The following KRTAP5-8 variants were observed in gnomAD, a reference collection of about 807,000 sequenced individuals.
KRTAP5-8 encodes keratin associated protein 5-8.
In KRTAP5-8, 2 loss-of-function variants were observed where a neutral mutation model predicts 2.7. The observed-to-expected ratio is 0.75, with a 90% CI of 0.30 to 2.35. The LOEUF is 2.35. KRTAP5-8 is among the 30% of genes most tolerant of loss of function. The probability of loss-of-function intolerance (pLI) is 0.12; values close to 1 mark genes in which losing one functional copy is unlikely to be tolerated. For synonymous variants in KRTAP5-8, 62 were observed against 89.1 expected (o/e 0.70, Z 1.71); for missense variants, 183 against 227.2 (o/e 0.81, Z 1.25).
chr11:71,538,831 C>T lies in KRTAP5-8; in HGVS notation c.*212C>T. Reference sequence around the variant, plus strand: ...TGCTGCCCATCAACCCTCCCAGAATCCCCTCTTCCTTTCCTGACCTCATCA... The same window carrying T: ...TGCTGCCCATCAACCCTCCCAGAATTCCCTCTTCCTTTCCTGACCTCATCA... On this transcript the variant is annotated 3_prime_UTR_variant, in exon 1 of 1. Coordinates refer to ENST00000398534, the MANE Select transcript of KRTAP5-8 (RefSeq NM_021046.3). 1.0e-6 allele frequency: 1 copy of T among 972,904 alleles called. No homozygotes were observed. Among genetic ancestry groups the T allele is most frequent in the Admixed American group, 2.7e-5 (1 of 36,460 alleles). The allele number at this position is 972,904 out of a possible 1,614,324, so 60.3% of individuals were successfully genotyped here.
Position 71,539,108 on chromosome 11 carries a change from T to G in KRTAP5-8, c.*489T>G, listed in dbSNP as rs547048528. On this transcript the variant is annotated 3_prime_UTR_variant, in exon 1 of 1. Transcript: ENST00000398534. ...TCTCCTGAGGAGGAGGGGCGCCCAGTCTCCTCTTCTACCTCTGACCTGGCC... is the reference window on the plus strand; with the variant it reads ...TCTCCTGAGGAGGAGGGGCGCCCAGGCTCCTCTTCTACCTCTGACCTGGCC... The G allele has an allele frequency of 1.4e-5, 3 of 209,274 alleles. No individual in the cohort carries two copies. The highest frequency in any genetic ancestry group is 3.2e-5 in the Non-Finnish European group (3 of 93,502). 13.0% of individuals were successfully genotyped at this position (209,274 alleles called of 1,614,324 possible).
In KRTAP5-8 at chr11:71,538,543, G is replaced by T. The variant is rs1277842696; in HGVS notation, c.488G>T (p.Cys163Phe). The T allele has an allele frequency of 6.2e-7, 1 of 1,613,864 alleles. No homozygotes were observed. The highest frequency in any genetic ancestry group is 8.5e-7 in the Non-Finnish European group (1 of 1,179,990). ...TCTTCAGGCTGTGGGTCATCCTGCT[G>T]CCAGTCCAGCTGCTGCAAGCCCTGC... ...CCSSGCGSSC[C>F]QSSCCKPCCS... is the part of the protein sequence containing the mutation. The change falls in exon 1 of 1, where the codon TGC becomes TTC. Residue 163 changes from cysteine to phenylalanine, a missense_variant. Physicochemically the swap from Cys to Phe is radical, Grantham distance 205. Transcript: ENST00000398534.
chr11:71,539,155 C>T lies in KRTAP5-8; in HGVS notation c.*536C>T, dbSNP rs1432608117. 1.1e-5 allele frequency: 2 copies of T among 189,086 alleles called. No individual in the cohort carries two copies. The highest frequency in any genetic ancestry group is 1.2e-5 in the Non-Finnish European group (1 of 80,234). The allele number at this position is 189,086 out of a possible 1,614,324, so 11.7% of individuals were successfully genotyped here. A position where few individuals can be genotyped will look rare whatever the true frequency, so the allele number is the denominator to read the frequency against. On this transcript the variant is annotated 3_prime_UTR_variant, in exon 1 of 1. Transcript: ENST00000398534. The stretch of plus-strand genomic sequence containing the variant: ...GGCCTTGTTTCTTTCCCCAGGGCTT[C>T]GCCTTGTAAGTGCCTAGGCTGAATC...
In KRTAP5-8 at chr11:71,538,261, A is replaced by G. The variant is rs562607417; in HGVS notation, c.206A>G (p.Asp69Gly). The change falls in exon 1 of 1, where the codon GAC (aspartate) becomes GGC (glycine). Residue 69 changes from aspartate (D) to glycine (G), a missense_variant. Asp to Gly is a moderately conservative substitution (Grantham distance 94). Coordinates refer to ENST00000398534, the MANE Select transcript of KRTAP5-8 (RefSeq NM_021046.3). ...GGCTCCTGTGGGGGCTCCAAGGGGG[A>G]CTGTGGCTCCTGTGGGGGCTCCAAG... is the stretch of plus-strand genomic sequence containing the variant. ...GRGSCGGSKG[D>G]CGSCGGSKGG... 2.6e-5 allele frequency: 41 copies of G among 1,601,780 alleles called. No individual in the cohort carries two copies. The highest frequency in any genetic ancestry group is 1.8e-4 in the Middle Eastern group (1 of 5,610).
chr11:71,538,092 G>A lies in KRTAP5-8; in HGVS notation c.37G>A (p.Gly13Ser), dbSNP rs370933271. The change falls in exon 1 of 1, where the codon GGC (glycine) becomes AGC (serine). Residue 13 changes from glycine (G) to serine (S), a missense_variant. Gly to Ser is a moderately conservative substitution (Grantham distance 56). This residue lies in a region of KRTAP5-8 where 113 missense variants were observed against 109.3 expected (regional missense o/e 1.03). Transcript: ENST00000398534. ...CCGCSGGCGS[G>S]CGGCGSGCGG... ...TGGCTGCTCTGGAGGCTGTGGCTCC[G>A]GCTGTGGGGGCTGCGGCTCTGGCTG... The A allele has an allele frequency of 4.2e-5, 67 of 1,610,922 alleles. No homozygotes were observed. The African/African-American group carries it at 4.6e-4, about 11-fold the overall frequency.
In KRTAP5-8 at chr11:71,538,300, C is replaced by T. The variant is rs747469393; in HGVS notation, c.245C>T (p.Ser82Phe). The stretch of plus-strand genomic sequence containing the variant: ...GGGGGCTCCAAGGGAGGCTGTGGTT[C>T]TTGTGGCTGCTCCCAGTGCAGCTGC... ...SCGGSKGGCG[S>F]CGCSQCSCYK... is the part of the protein sequence containing the mutation. The change falls in exon 1 of 1, where the codon TCT becomes TTT. Residue 82 changes from serine (S) to phenylalanine (F), a missense_variant. Physicochemically the swap from Ser to Phe is radical, Grantham distance 155. Coordinates refer to ENST00000398534, the MANE Select transcript of KRTAP5-8 (RefSeq NM_021046.3). 1.2e-6 allele frequency: 2 copies of T among 1,614,006 alleles called. No individual in the cohort carries two copies. The highest frequency in any genetic ancestry group is 1.7e-6 in the Non-Finnish European group (2 of 1,179,998).
chr11:71,538,859 T>A lies in KRTAP5-8; in HGVS notation c.*240T>A. On this transcript the variant is annotated 3_prime_UTR_variant, in exon 1 of 1. Transcript: ENST00000398534. ...CTCTTCCTTTCCTGACCTCATCACT[T>A]CAACCTTCTCAGGGCTTCAAGATCC... 1.3e-6 allele frequency: 1 copy of A among 784,618 alleles called. No individual in the cohort carries two copies. The highest frequency in any genetic ancestry group is 2.0e-6 in the Non-Finnish European group (1 of 492,432). 48.6% of individuals were successfully genotyped at this position (784,618 alleles called of 1,614,324 possible). A position where few individuals can be genotyped will look rare whatever the true frequency, so the allele number is the denominator to read the frequency against.
rs1249049450 is a variant in KRTAP5-8, at chr11:71,539,200, A to T, written c.*581A>T. ...TGAATCTTCTAAATAAATACGATCC[A>T]CACCTCCCACGAGTTTGCGTTGTGA... On this transcript the variant is annotated 3_prime_UTR_variant, in exon 1 of 1. Transcript: ENST00000398534. The T allele has an allele frequency of 1.7e-5, 3 of 177,890 alleles. No individual in the cohort carries two copies. The highest frequency in any genetic ancestry group is 7.2e-5 in the African/African-American group (3 of 41,560). The allele number at this position is 177,890 out of a possible 1,614,324, so 11.0% of individuals were successfully genotyped here.
In KRTAP5-8 at chr11:71,538,148, C is replaced by T; in HGVS notation, c.93C>T (p.Pro31=). Reference sequence around the variant, plus strand: ...GATGTGGCTCTAGCTGCTGTGTGCCCATCTGCTGCTGCAAGCCCGTGTGCT... The same window carrying T: ...GATGTGGCTCTAGCTGCTGTGTGCCTATCTGCTGCTGCAAGCCCGTGTGCT... ...CGGCGSSCCV[P]ICCCKPVCCC... is the part of the protein sequence containing the mutation. The change falls in exon 1 of 1, where the codon CCC becomes CCT. Residue 31 remains proline (P), a synonymous_variant. Coordinates refer to ENST00000398534, the MANE Select transcript of KRTAP5-8 (RefSeq NM_021046.3). 6.2e-7 allele frequency: 1 copy of T among 1,602,676 alleles called. No homozygotes were observed. The highest frequency in any genetic ancestry group is 1.4e-5 in the African/African-American group (1 of 70,976).
At position 71,539,194 on chromosome 11, in the gene KRTAP5-8, C is replaced by CCGA; in HGVS notation, c.*575_*576insCGA. 5 of 172,838 alleles carry CCGA rather than the reference C, an allele frequency of 2.9e-5. No homozygotes were observed. The highest frequency in any genetic ancestry group is 2.4e-4 in the Admixed American group (4 of 16,708). The allele number at this position is 172,838 out of a possible 1,614,324, so 10.7% of individuals were successfully genotyped here. A position where few individuals can be genotyped will look rare whatever the true frequency, so the allele number is the denominator to read the frequency against. ...CTAGGCTGAATCTTCTAAATAAATA[C>CCGA]GATCCACACCTCCCACGAGTTTGCG... On this transcript the variant is annotated 3_prime_UTR_variant, in exon 1 of 1. Transcript: ENST00000398534.
chr11:71,538,620 G>T lies in KRTAP5-8; in HGVS notation c.*1G>T. On this transcript the variant is annotated 3_prime_UTR_variant, in exon 1 of 1. Coordinates refer to ENST00000398534, the MANE Select transcript of KRTAP5-8 (RefSeq NM_021046.3). ...AATTTGCTGCCAGTGCAAGATCTGAGGCTCTGCCTACAAATCTCAGCTGGT... is the reference window on the plus strand; with the variant it reads ...AATTTGCTGCCAGTGCAAGATCTGATGCTCTGCCTACAAATCTCAGCTGGT... The T allele has an allele frequency of 6.2e-7, 1 of 1,612,250 alleles. No individual in the cohort carries two copies. The highest frequency in any genetic ancestry group is 8.5e-7 in the Non-Finnish European group (1 of 1,179,464).
rs200416506 is a variant in KRTAP5-8 at position 71,538,138 on chromosome 11, G to T, written c.83G>T (p.Cys28Phe). The T allele has an allele frequency of 6.2e-7, 1 of 1,611,992 alleles. No individual in the cohort carries two copies. Among genetic ancestry groups the T allele is most frequent in the Middle Eastern group, 1.9e-4 (1 of 5,268 alleles). The change falls in exon 1 of 1, where the codon TGC becomes TTC. Residue 28 changes from cysteine to phenylalanine, a missense_variant. By Grantham distance (205) the Cys-to-Phe change is radical (BLOSUM62 -2). Transcript: ENST00000398534. Reference sequence around the variant, plus strand: ...GGCTGTGGGGGATGTGGCTCTAGCTGCTGTGTGCCCATCTGCTGCTGCAAG... The same window carrying T: ...GGCTGTGGGGGATGTGGCTCTAGCTTCTGTGTGCCCATCTGCTGCTGCAAG... ...GSGCGGCGSS[C>F]CVPICCCKPV...
At position 71,538,718 on chromosome 11, in the gene KRTAP5-8, C is replaced by G; in HGVS notation, c.*99C>G. 1 of 1,602,766 alleles carries G rather than the reference C, an allele frequency of 6.2e-7. No homozygotes were observed. Among genetic ancestry groups the G allele is most frequent in the South Asian group, 1.1e-5 (1 of 88,680 alleles). On this transcript the variant is annotated 3_prime_UTR_variant, in exon 1 of 1. Transcript: ENST00000398534. ...TCCTGAAGCACATCTCTGAGTCTGT[C>G]CTCCTCTGGACTAAGGCAGCCTAGC...
In KRTAP5-8 at chr11:71,538,465, G is replaced by A. The variant is rs748901042; in HGVS notation, c.410G>A (p.Ser137Asn). 1 of 1,536,270 alleles carries A rather than the reference G, an allele frequency of 6.5e-7. No individual in the cohort carries two copies. Among genetic ancestry groups the A allele is most frequent in the Middle Eastern group, 1.8e-4 (1 of 5,456 alleles). Residue 137 changes from serine (S) to asparagine (N), a missense_variant, in exon 1 of 1, where the codon AGC becomes AAC. Transcript: ENST00000398534. ...TGTGGGTCATCCTGCTGCCAGTCCA[G>A]CTGCTGCAAGCCCTGCTGTTCCCAG... is the stretch of plus-strand genomic sequence containing the variant. The part of the protein sequence containing the change: ...SGCGSSCCQS[S>N]CCKPCCSQSS...
At position 71,538,419 on chromosome 11, in the gene KRTAP5-8, C is replaced by T. The variant is rs144266749; in HGVS notation, c.364C>T (p.Pro122Ser). 729 of 1,612,090 alleles carry T rather than the reference C, an allele frequency of 4.5e-4. 9 individuals are homozygous for T. The East Asian group carries it at 0.016, about 35-fold the overall frequency. The part of the protein sequence containing the change: ...PCCSQSSCCK[P>S]CSCSSGCGSS... ...CTGTTCCCAGTCCAGCTGTTGTAAG[C>T]CCTGCAGCTGCTCTTCAGGCTGTGG... is the stretch of plus-strand genomic sequence containing the variant. Residue 122 changes from proline to serine, a missense_variant, in exon 1 of 1, where the codon CCC becomes TCC. Pro to Ser is a moderately conservative substitution (Grantham distance 74). This residue lies in a region of KRTAP5-8 where 70 missense variants were observed against 117.9 expected (regional missense o/e 0.59). Transcript: ENST00000398534.
Position 71,538,260 on chromosome 11 carries a change from G to T in KRTAP5-8, c.205G>T (p.Asp69Tyr). ...TGGCTCCTGTGGGGGCTCCAAGGGGGACTGTGGCTCCTGTGGGGGCTCCAA... is the reference window on the plus strand; with the variant it reads ...TGGCTCCTGTGGGGGCTCCAAGGGGTACTGTGGCTCCTGTGGGGGCTCCAA... Reference protein sequence around the residue: ...GRGSCGGSKGDCGSCGGSKGG... With the variant: ...GRGSCGGSKGYCGSCGGSKGG... Residue 69 changes from aspartate to tyrosine, a missense_variant, in exon 1 of 1, where the codon GAC (aspartate) becomes TAC (tyrosine). Physicochemically the swap from Asp to Tyr is radical, Grantham distance 160. Around this residue, in one of 2 missense-constraint regions of KRTAP5-8, gnomAD observed 113 missense variants for 109.3 expected, o/e 1.03. Transcript: ENST00000398534. The T allele has an allele frequency of 1.2e-6, 2 of 1,613,100 alleles. No homozygotes were observed. The highest frequency in any genetic ancestry group is 1.7e-6 in the Non-Finnish European group (2 of 1,179,810).
Position 71,538,510 on chromosome 11 carries a change from G to C in KRTAP5-8, c.455G>C (p.Cys152Ser). The change falls in exon 1 of 1, where the codon TGC becomes TCC. Residue 152 changes from cysteine to serine, a missense_variant. Cys to Ser is a moderately radical substitution (Grantham distance 112, BLOSUM62 -1). Transcript: ENST00000398534. ...CCSQSSCCKP[C>S]CCSSGCGSSC... The stretch of plus-strand genomic sequence containing the variant: ...TCCCAGTCCAGCTGCTGTAAGCCCT[G>C]CTGCTGCTCTTCAGGCTGTGGGTCA... The C allele has an allele frequency of 6.2e-7, 1 of 1,612,732 alleles. No homozygotes were observed. Among genetic ancestry groups the C allele is most frequent in the Non-Finnish European group, 8.5e-7 (1 of 1,179,764 alleles).
In KRTAP5-8 at chr11:71,538,648, C is replaced by A; in HGVS notation, c.*29C>A. On this transcript the variant is annotated 3_prime_UTR_variant, in exon 1 of 1. Transcript: ENST00000398534. ...TCTGCCTACAAATCTCAGCTGGTCCCACAGATCTGGGCTCTCCAGGAATGA... is the reference window on the plus strand; with the variant it reads ...TCTGCCTACAAATCTCAGCTGGTCCAACAGATCTGGGCTCTCCAGGAATGA... 2 of 1,612,384 alleles carry A rather than the reference C, an allele frequency of 1.2e-6. No homozygotes were observed. The highest frequency in any genetic ancestry group is 1.3e-5 in the African/African-American group (1 of 74,514).
Position 71,538,294 on chromosome 11 carries a change from G to A in KRTAP5-8, c.239G>A (p.Cys80Tyr). ...CGSCGGSKGG[C>Y]GSCGCSQCSC... ...TCCTGTGGGGGCTCCAAGGGAGGCT[G>A]TGGTTCTTGTGGCTGCTCCCAGTGC... Residue 80 changes from cysteine to tyrosine, a missense_variant, in exon 1 of 1, where the codon TGT becomes TAT. Cys to Tyr is a radical substitution (Grantham distance 194). This residue lies in a region of KRTAP5-8 where 113 missense variants were observed against 109.3 expected (regional missense o/e 1.03). Transcript: ENST00000398534. 1 of 1,614,020 alleles carries A rather than the reference G, an allele frequency of 6.2e-7. No homozygotes were observed. Among genetic ancestry groups the A allele is most frequent in the South Asian group, 1.1e-5 (1 of 91,064 alleles).
Sources: allele counts gnomAD v4.1 joint callset, GRCh38; gene constraint gnomAD v4.1.1; regional missense constraint gnomAD v4.1.1; transcripts MANE v1.5; gene names NCBI Gene and HGNC (gene_info 2026-07-23, HGNC 2026-07-21).